TMTC1: variants seen among roughly 807,000 people sequenced by gnomAD.
TMTC1 encodes the protein protein O-mannosyl-transferase TMTC1.
Under a neutral mutation model 104.8 loss-of-function variants are expected in TMTC1, and 73 were observed. The observed-to-expected ratio is 0.70, with a 90% CI of 0.58 to 0.85. TMTC1 has a LOEUF of 0.85. Among genes scored for constraint, TMTC1 ranks in the 40% least tolerant of loss-of-function variants. The pLI, the probability that TMTC1 is intolerant of heterozygous loss-of-function variation, is 0.00. For synonymous variants in TMTC1, 434 were observed against 428.7 expected, an observed-to-expected ratio of 1.01 and a Z score of -0.15; for missense variants, 1,035 against 1,096.1, an observed-to-expected ratio of 0.94 and a Z score of 0.79.
intron 11 of TMTC1, among the ~76,000 whole-genome samples, chr12:29,531,298 A>G (rs1347474316): frequency 2.0e-5 from 3 of 152,236 alleles, no homozygotes; most frequent in African/African-American, 7.2e-5. Context: ...CATTTGTAGG[A>G]GAGAACCTAC....
At chr12:29,542,582 G>A (rs1277801932) in intron 10 of TMTC1, among the ~76,000 whole-genome samples, 2 of 152,072 alleles carry the variant, frequency 1.3e-5, no homozygotes, top group African/African-American at 4.8e-5. Flanking sequence ...TGCCAGGACT[G>A]ATAAGATTCA....
intron 10 of TMTC1, among the ~76,000 whole-genome samples, chr12:29,555,181 A>G (rs1945207942): frequency 9.0e-6 from 1 of 111,490 alleles, no homozygotes; most frequent in Non-Finnish European, 1.7e-5. Context: ...TCTGTCACCC[A>G]GGCTAGAGTA....
At chr12:29,710,921 A>ATATATG (rs1335309607) in intron 5 of TMTC1, among the ~76,000 whole-genome samples, 1 of 12,916 alleles carries the variant, frequency 7.7e-5, no homozygotes. Context: ...ATATAAATAT[A>ATATATG]TATAAATATA....
chr12:29,511,901 C>T, intron 17 of TMTC1, 142 bp downstream of exon 17: 2 of 838,604 alleles, frequency 2.4e-6, no homozygotes, highest in Non-Finnish European at 4.1e-6. Flanking sequence ...AGCTATTTCA[C>T]TTTTAAACTG....
chr12:29,689,459 G>A lies in TMTC1; in HGVS notation c.939-56123C>T, dbSNP rs763956674. On this transcript the variant is annotated intron_variant, in intron 5 of 17. Transcript: ENST00000539277. ...CTCCCGAGTAGCTGGGACTACAGGC[G>A]TGCGCCACCACACCTGGCTAAGTTT... 7.2e-5 allele frequency among the ~76,000 whole-genome samples: 11 copies of A among 152,068 alleles called. No homozygotes were observed. The South Asian group carries it at 1.2e-3, about 17-fold the overall frequency.
At chr12:29,577,067 G>C (rs1043385789) in intron 8 of TMTC1, among the ~76,000 whole-genome samples, 4 of 152,168 alleles carry the variant, frequency 2.6e-5, no homozygotes, top group Non-Finnish European at 5.9e-5. Context: ...AGGAGAACCA[G>C]CAATGCCCAA....
chr12:29,572,231 A>T lies in TMTC1; in HGVS notation c.1419-13T>A. On this transcript the variant is annotated splice_polypyrimidine_tract_variant and intron_variant, in intron 8 of 17. Transcript: ENST00000539277. ...TTGAACTCCAGACCTAAAATGAATA[A>T]ATTTTTAAAAAGAATTATTTGACAA... 1 of 1,576,572 alleles carries T rather than the reference A, an allele frequency of 6.3e-7. No homozygotes were observed.
intron 5 of TMTC1, among the ~76,000 whole-genome samples, chr12:29,742,937 G>A (rs767132920): frequency 5.3e-5 from 8 of 152,168 alleles, no homozygotes; most frequent in Non-Finnish European, 1.2e-4. Flanking sequence ...ACACAGCAAA[G>A]AAAAGGTGAA....
At chr12:29,620,945 G>A (rs1937643092) in intron 6 of TMTC1, among the ~76,000 whole-genome samples, 1 of 152,210 alleles carries the variant, frequency 6.6e-6, no homozygotes, top group African/African-American at 2.4e-5. Context: ...AAGGACCGTG[G>A]CAAGGCATCA....
At chr12:29,697,255 C>G (rs1430345328) in intron 5 of TMTC1, among the ~76,000 whole-genome samples, 1 of 152,174 alleles carries the variant, frequency 6.6e-6, no homozygotes, top group African/African-American at 2.4e-5. Flanking sequence ...GTCACTTAGC[C>G]CTTGGTGTAG....
chr12:29,757,028 T>C (rs1013462515), intron 3 of TMTC1, among the ~76,000 whole-genome samples: 1 of 152,172 alleles, frequency 6.6e-6, no homozygotes, highest in Non-Finnish European at 1.5e-5. Context: ...CAATTATTAC[T>C]TCTATTCTAA....
intron 5 of TMTC1, among the ~76,000 whole-genome samples, chr12:29,682,208 C>T (rs1040585348): frequency 6.6e-6 from 1 of 152,142 alleles, no homozygotes; most frequent in African/African-American, 2.4e-5. Flanking sequence ...ACTGGTATCA[C>T]TAACCACCTA....
intron 17 of TMTC1, among the ~76,000 whole-genome samples, chr12:29,508,713 A>G (rs1454547627): frequency 6.6e-6 from 1 of 152,020 alleles, no homozygotes; most frequent in African/African-American, 2.4e-5. Context: ...AGCTGGGACT[A>G]CAGGCGTGCA....
intron 8 of TMTC1, among the ~76,000 whole-genome samples, chr12:29,573,142 C>T (rs971543754): frequency 1.3e-5 from 2 of 152,130 alleles, no homozygotes; most frequent in Admixed American, 6.6e-5. Flanking sequence ...GAAAGGAAAA[C>T]ACATTCCAGA....
At chr12:29,638,146 G>C (rs940731114) in intron 5 of TMTC1, among the ~76,000 whole-genome samples, 1 of 152,100 alleles carries the variant, frequency 6.6e-6, no homozygotes, top group Non-Finnish European at 1.5e-5. Flanking sequence ...GTGAGAACAG[G>C]CACTCCTGTT....
intron 5 of TMTC1, among the ~76,000 whole-genome samples, chr12:29,725,428 G>A (rs184973340): frequency 2.2e-4 from 34 of 152,140 alleles, no homozygotes; most frequent in African/African-American, 7.0e-4. Flanking sequence ...CAGCCTCCCA[G>A]GTTCAAGTGA....
At chr12:29,587,800 C>A (rs1419713394) in intron 7 of TMTC1, among the ~76,000 whole-genome samples, 2 of 152,104 alleles carry the variant, frequency 1.3e-5, no homozygotes, top group Admixed American at 1.3e-4. Context: ...TGGCAATATC[C>A]TAGGCACTAA....
intron 5 of TMTC1, among the ~76,000 whole-genome samples, chr12:29,667,333 C>A (rs759643362): frequency 5.9e-5 from 9 of 152,182 alleles, no homozygotes; most frequent in Non-Finnish European, 1.3e-4. Context: ...TATTTCAGTT[C>A]TATCTACTCA....
At position 29,578,684 on chromosome 12, in the gene TMTC1, G is replaced by T. The variant is rs1357844241; in HGVS notation, c.1418+4723C>A. ...ATAACAAAAAAGCTACTTTAATCAG[G>T]TGTATCTCCAAGGTTTTAGAACATC... On this transcript the variant is annotated intron_variant, in intron 8 of 17. Coordinates refer to ENST00000539277, the MANE Select transcript of TMTC1 (RefSeq NM_001193451.2). Among the ~76,000 whole-genome samples, 2 of 152,094 alleles carry T rather than the reference G, an allele frequency of 1.3e-5. 1 individual carries two copies. The highest frequency in any genetic ancestry group is 4.1e-4 in the South Asian group (2 of 4,828).
Sources: gnomAD v4.1 joint callset for allele counts (sites outside exome capture counted in the v4.1 genomes callset) on GRCh38, gnomAD v4.1.1 for gene constraint, MANE v1.5 for transcripts, NCBI Gene and HGNC (gene_info 2026-07-23, HGNC 2026-07-21) for gene names.